Variants in POMGNT1 observed in about 807,000 individuals in gnomAD.
The protein encoded by POMGNT1 is protein O-linked mannose N-acetylglucosaminyltransferase 1 (beta 1,2-).
Under a neutral mutation model 95.6 loss-of-function variants are expected in POMGNT1, and 67 were observed. That is an observed-to-expected ratio of 0.70 (90% CI 0.58 to 0.86). The LOEUF (loss-of-function observed/expected upper bound fraction) is 0.86, where lower values mean the gene tolerates loss of function less well. Ranked by LOEUF, POMGNT1 falls within the 40% of genes least tolerant of loss-of-function variation. POMGNT1 has a pLI of 0.00. For missense variants in POMGNT1, 719 were observed against 855.2 expected (o/e 0.84, Z 1.99); for synonymous variants, 298 against 317.9 (o/e 0.94, Z 0.66).
In POMGNT1 at chr1:46,197,845, T is replaced by C; in HGVS notation, c.-24A>G. The C allele has an allele frequency of 6.2e-7, 1 of 1,613,362 alleles. No homozygotes were observed. Among genetic ancestry groups the C allele is most frequent in the Non-Finnish European group, 8.5e-7 (1 of 1,179,956 alleles). On this transcript the variant is annotated 5_prime_UTR_variant, in exon 2 of 22. Transcript: ENST00000371984. ...ATACCGGATTGGCGGGTCACCAATG[T>C]CCTGGCCAGCCCATGACTTCAGGAA...
At chr1:46,209,549 C>CTTT (rs397745964) in intron 1 of POMGNT1, among the ~76,000 whole-genome samples, 4 of 127,542 alleles carry the variant, frequency 3.1e-5, no homozygotes, top group East Asian at 2.2e-4. Context: ...TTTTTTTTTT[C>CTTT]TTTTTTTTTT....
chr1:46,212,965 C>T (rs1309056947), intron 1 of POMGNT1, among the ~76,000 whole-genome samples: 1 of 151,844 alleles, frequency 6.6e-6, no homozygotes, highest in African/African-American at 2.4e-5. Flanking sequence ...GGGGTTTCAC[C>T]GTGTTAGCCA....
chr1:46,195,075 C>A, intron 6 of POMGNT1, 114 bp from the exon 7 acceptor site: 1 of 901,286 alleles, frequency 1.1e-6, no homozygotes, highest in Non-Finnish European at 1.9e-6. Flanking sequence ...TACATTATTG[C>A]AATAACCCTC....
At chr1:46,206,924 CT>C (rs1381932211) in intron 1 of POMGNT1, among the ~76,000 whole-genome samples, 2 of 152,160 alleles carry the variant, frequency 1.3e-5, no homozygotes, top group Non-Finnish European at 2.9e-5. Flanking sequence ...ATGATAAGTG[CT>C]GGTAGAACCC....
intron 2 of POMGNT1, chr1:46,197,303 C>T: frequency 2.7e-6 from 4 of 1,495,498 alleles, no homozygotes; most frequent in Non-Finnish European, 3.6e-6. Context: ...TAGGGCCCTC[C>T]CTACCCAGTG....
chr1:46,205,953 G>A lies in POMGNT1; in HGVS notation c.-50-8082C>T, dbSNP rs75480286. On this transcript the variant is annotated intron_variant, in intron 1 of 22. Coordinates refer to the POMGNT1 transcript ENST00000371992. Reference sequence around the variant, plus strand: ...CAGCTCTCCTTGCACAAAGGGGGAAGGCCTACCCTTGAGGCCAAGGTCAGT... The same window carrying A: ...CAGCTCTCCTTGCACAAAGGGGGAAAGCCTACCCTTGAGGCCAAGGTCAGT... Among the ~76,000 whole-genome samples the A allele has an allele frequency of 7.6e-4, 116 of 152,348 alleles. 1 individual carries two copies. In the East Asian group the frequency reaches 0.014, roughly 18 times the overall value.
At chr1:46,217,808 G>A (rs138938221) in intron 1 of POMGNT1, among the ~76,000 whole-genome samples, 5,680 of 152,192 alleles carry the variant, frequency 0.037, 158 homozygotes, top group South Asian at 0.067. Flanking sequence ...AGTGAGCTAA[G>A]ATGGCGCCAT....
intron 6 of POMGNT1, 199 bp downstream of exon 6, chr1:46,195,612 C>G (rs1262183028): frequency 4.6e-6 from 3 of 654,316 alleles, no homozygotes; most frequent in Non-Finnish European, 8.3e-6. Flanking sequence ...TCTTCAGCAC[C>G]CAGAGAAGTA....
chr1:46,217,499 C>A (rs1268540195), intron 1 of POMGNT1, among the ~76,000 whole-genome samples: 1 of 152,032 alleles, frequency 6.6e-6, no homozygotes. Flanking sequence ...AATTTTATTG[C>A]CTATTAGGAG....
chr1:46,195,850 G>T lies in POMGNT1; in HGVS notation c.495C>A (p.Asn165Lys). The T allele has an allele frequency of 1.9e-6, 3 of 1,611,634 alleles. No homozygotes were observed. Among genetic ancestry groups the T allele is most frequent in the Non-Finnish European group, 2.5e-6 (3 of 1,178,834 alleles). ...TGAGCACTCGGCCGGGCGCTACCAT[G>T]TTGAGGAATAGCACCATGGCCTCAT... ...HEDEAMVLFL[N>K]MVAPGRVLIC... is the part of the protein sequence containing the mutation. Residue 165 changes from asparagine (N) to lysine (K), a missense_variant, in exon 6 of 22, where the codon AAC becomes AAA. Physicochemically the swap from Asn to Lys is moderately conservative, Grantham distance 94. Around this residue, in one of 5 missense-constraint regions of POMGNT1, gnomAD observed 466 missense variants for 517.4 expected, o/e 0.90. Coordinates refer to ENST00000371984, the MANE Select transcript of POMGNT1 (RefSeq NM_017739.4).
chr1:46,189,677 G>C, intron 20 of POMGNT1, 110 bp from the exon 21 acceptor site: 1 of 1,545,354 alleles, frequency 6.5e-7, no homozygotes. Flanking sequence ...ACCTCAATTT[G>C]TAAGAGATAG....
upstream of POMGNT1, among the ~76,000 whole-genome samples, chr1:46,202,556 A>G (rs1331425362): frequency 6.6e-6 from 1 of 151,874 alleles, no homozygotes; most frequent in Non-Finnish European, 1.5e-5. Flanking sequence ...TTAGCTGGGC[A>G]TGGTGGCGCA....
Position 46,189,122 on chromosome 1 carries a change from T to G in POMGNT1, c.*148A>C, listed in dbSNP as rs956330556. On this transcript the variant is annotated 3_prime_UTR_variant, in exon 22 of 22. Coordinates refer to ENST00000371984, the MANE Select transcript of POMGNT1 (RefSeq NM_017739.4). Reference sequence around the variant, plus strand: ...ACGGGGTGTTGGAGCAGGGGAACCCTCCCCTTGGAGTTAGTAATTAAGTCT... The same window carrying G: ...ACGGGGTGTTGGAGCAGGGGAACCCGCCCCTTGGAGTTAGTAATTAAGTCT... The G allele has an allele frequency of 6.7e-7, 1 of 1,492,404 alleles. No homozygotes were observed. 92.4% of individuals were successfully genotyped at this position (1,492,404 alleles called of 1,614,324 possible). A position where few individuals can be genotyped will look rare whatever the true frequency, so the allele number is the denominator to read the frequency against.
rs1464915260 is a variant in POMGNT1, at chr1:46,189,681, G to C, written c.1786-114C>G. The C allele has an allele frequency of 1.4e-5, 22 of 1,543,596 alleles. No homozygotes were observed. In the South Asian group the frequency reaches 2.3e-4, roughly 16 times the overall value. On this transcript the variant is annotated intron_variant, in intron 20 of 21. Transcript: ENST00000371984. ...CCTCAGAAACCACCTCAATTTGTAA[G>C]AGATAGCATCTTTTAGAATATGAAT...
intron 1 of POMGNT1, among the ~76,000 whole-genome samples, chr1:46,213,692 C>T (rs1463863274): frequency 6.6e-6 from 1 of 152,066 alleles, no homozygotes; most frequent in Non-Finnish European, 1.5e-5. Flanking sequence ...TGCACTCCAG[C>T]CTGGACAACG....
intron 1 of POMGNT1, among the ~76,000 whole-genome samples, chr1:46,206,439 G>A (rs1215327812): frequency 1.3e-5 from 2 of 152,138 alleles, no homozygotes; most frequent in Admixed American, 1.3e-4. Flanking sequence ...GGACCCCAGC[G>A]CTGGGCAGAG....
At chr1:46,193,754 G>GA in intron 10 of POMGNT1, 101 bp downstream of exon 10, 1 of 1,597,064 alleles carries the variant, frequency 6.3e-7, no homozygotes, top group Non-Finnish European at 8.5e-7. Context: ...AATGCGTCTA[G>GA]AATCTATTGC....
chr1:46,219,788 G>T (rs1659176073), exon 1 of POMGNT1: 1 of 1,614,218 alleles, frequency 6.2e-7, no homozygotes, highest in African/African-American at 1.3e-5. Context: ...TGTTGGAGGA[G>T]CGGGGGACGT....
intron 6 of POMGNT1, 98 bp from the exon 7 acceptor site, chr1:46,195,059 G>T: frequency 9.7e-7 from 1 of 1,033,222 alleles, no homozygotes; most frequent in Non-Finnish European, 1.5e-6. Flanking sequence ...ACTTAAAATA[G>T]CTCATTACAT....
Sources: allele counts gnomAD v4.1 joint callset (sites outside exome capture counted in the v4.1 genomes callset), GRCh38; gene constraint gnomAD v4.1.1; regional missense constraint gnomAD v4.1.1; transcripts MANE v1.5; gene names NCBI Gene and HGNC (gene_info 2026-07-23, HGNC 2026-07-21).